Variants in PLEKHA5 observed in about 807,000 individuals in gnomAD.
PLEKHA5 encodes pleckstrin homology domain-containing family A member 5.
In PLEKHA5, 55 loss-of-function variants were observed where a neutral mutation model predicts 181.9. The observed-to-expected ratio is 0.30, with a 90% CI of 0.24 to 0.38. PLEKHA5 has a LOEUF of 0.38. PLEKHA5 is among the 10% of genes least tolerant of loss of function. PLEKHA5 has a pLI of 1.00. For missense variants in PLEKHA5, 1,432 were observed against 1,549.5 expected (o/e 0.92, Z 1.27); for synonymous variants, 535 against 529.4 (o/e 1.01, Z -0.15).
chr12:19,254,002 G>T lies in PLEKHA5; in HGVS notation c.290G>T (p.Cys97Phe), dbSNP rs1387118977. 6.2e-7 allele frequency: 1 copy of T among 1,603,352 alleles called. No homozygotes were observed. Among genetic ancestry groups the T allele is most frequent in the African/African-American group, 1.3e-5 (1 of 74,604 alleles). ...PVTGQPSQDNCIFVVNEQTVA... is the reference protein window; with the variant it reads ...PVTGQPSQDNFIFVVNEQTVA... ...ACAGGACAACCATCACAGGACAATT[G>T]TATTTTTGTAGTGAATGAACAGTAA... The change falls in exon 4 of 32, where the codon TGT becomes TTT. Residue 97 changes from cysteine to phenylalanine, a missense_variant. By Grantham distance (205) the Cys-to-Phe change is radical (BLOSUM62 -2). Transcript: ENST00000429027.
chr12:19,290,820 G>A (rs1461885033), intron 14 of PLEKHA5, 24 bp downstream of exon 14: 9 of 1,513,022 alleles, frequency 5.9e-6, no homozygotes, highest in Non-Finnish European at 8.0e-6. Flanking sequence ...AGATTTGTCT[G>A]TGTCGTCTGC....
At chr12:19,357,841 T>C (rs983527001) in intron 26 of PLEKHA5, among the ~76,000 whole-genome samples, 12 of 152,186 alleles carry the variant, frequency 7.9e-5, no homozygotes, top group African/African-American at 2.6e-4. Context: ...GTTTTTACCA[T>C]GTTGCCCAGG....
rs767269524 is a variant in PLEKHA5 at position 19,354,012 on chromosome 12, T to A, written c.3138+10T>A. 3 of 1,258,832 alleles carry A rather than the reference T, an allele frequency of 2.4e-6. No homozygotes were observed. In the South Asian group the frequency reaches 3.7e-5, roughly 15 times the overall value. 78.0% of individuals were successfully genotyped at this position (1,258,832 alleles called of 1,614,324 possible). A position where few individuals can be genotyped will look rare whatever the true frequency, so the allele number is the denominator to read the frequency against. On this transcript the variant is annotated intron_variant, in intron 26 of 31. Transcript: ENST00000429027. The stretch of plus-strand genomic sequence containing the variant: ...GATGGATCTAAGAACGGTATTTAAC[T>A]GGAAATTAATCTTCTAGGAAGATTC...
At chr12:19,181,283 G>A (rs374732844) in intron 3 of PLEKHA5, among the ~76,000 whole-genome samples, 3 of 152,118 alleles carry the variant, frequency 2.0e-5, no homozygotes, top group East Asian at 1.9e-4. Flanking sequence ...AAAATAATGT[G>A]ATTAAATGAA....
At position 19,321,093 on chromosome 12, in the gene PLEKHA5, G is replaced by A. The variant is rs183588166; in HGVS notation, c.2217+469G>A. On this transcript the variant is annotated intron_variant, in intron 18 of 31. Transcript: ENST00000429027. ...GAGGCCTGAGAATCTCTTGAACCCA[G>A]GAGGGACAGGTGCAGTGAGCCAAGA... Among the ~76,000 whole-genome samples, 29 of 151,794 alleles carry A rather than the reference G, an allele frequency of 1.9e-4. No individual in the cohort carries two copies. The East Asian group carries it at 3.5e-3, about 18-fold the overall frequency.
chr12:19,232,577 A>T (rs973345869), intron 3 of PLEKHA5, among the ~76,000 whole-genome samples: 2 of 152,148 alleles, frequency 1.3e-5, no homozygotes, highest in African/African-American at 4.8e-5. Context: ...TAGTAAGCAA[A>T]TGTATTTTAG....
intron 20 of PLEKHA5, among the ~76,000 whole-genome samples, chr12:19,331,037 G>C (rs973276093): frequency 6.6e-6 from 1 of 152,108 alleles, no homozygotes; most frequent in Admixed American, 6.6e-5. Flanking sequence ...GCAGAAAAAT[G>C]AATTGACATT....
At chr12:19,260,891 G>A in intron 6 of PLEKHA5, 58 bp from the exon 7 acceptor site, 2 of 950,642 alleles carry the variant, frequency 2.1e-6, no homozygotes, top group Non-Finnish European at 3.2e-6. Flanking sequence ...ATAAATAAAT[G>A]CACATGTGAG....
At chr12:19,257,673 C>CTTG in intron 6 of PLEKHA5, 136 bp downstream of exon 6, 1 of 597,782 alleles carries the variant, frequency 1.7e-6, no homozygotes, top group South Asian at 2.1e-5. Flanking sequence ...TATTTGACTG[C>CTTG]TTGTTACCCC....
chr12:19,251,919 G>A (rs1012302742), intron 3 of PLEKHA5, among the ~76,000 whole-genome samples: 1 of 152,006 alleles, frequency 6.6e-6, no homozygotes, highest in Admixed American at 6.6e-5. Context: ...CTCCTCCGTT[G>A]TGCCAAGACA....
At chr12:19,239,668 C>T (rs886262547) in intron 3 of PLEKHA5, among the ~76,000 whole-genome samples, 3 of 152,142 alleles carry the variant, frequency 2.0e-5, no homozygotes, top group African/African-American at 7.2e-5. Flanking sequence ...ATTTTATATA[C>T]ATAAACATAT....
Position 19,274,523 on chromosome 12 carries a change from A to G in PLEKHA5, c.853A>G (p.Lys285Glu), listed in dbSNP as rs374450464. The G allele has an allele frequency of 3.1e-6, 5 of 1,587,608 alleles. No homozygotes were observed. The African/African-American group carries it at 4.1e-5, about 13-fold the overall frequency. ...KRITFNFRVDKITSENAPTKE... is the reference protein window; with the variant it reads ...KRITFNFRVDEITSENAPTKE... ...TTTCTTCTCTGATTTCAGAGTGGAC[A>G]AGATTACATCTGAAAATGCACCAAC... The change falls in exon 11 of 32, where the codon AAG (lysine) becomes GAG (glutamate). Residue 285 changes from lysine (K) to glutamate (E), a missense_variant. Physicochemically the swap from Lys to Glu is moderately conservative, Grantham distance 56 (BLOSUM62 1). Transcript: ENST00000429027.
chr12:19,275,678 G>A (rs1216725528), intron 11 of PLEKHA5, among the ~76,000 whole-genome samples: 1 of 152,058 alleles, frequency 6.6e-6, no homozygotes, highest in East Asian at 1.9e-4. Flanking sequence ...TGAAGTGGGA[G>A]GATTGCTTGA....
intron 15 of PLEKHA5, among the ~76,000 whole-genome samples, chr12:19,298,467 C>T (rs1005791552): frequency 1.9e-4 from 24 of 127,722 alleles, no homozygotes; most frequent in Non-Finnish European, 2.9e-4. Flanking sequence ...AGATCTCCGT[C>T]TCTTGGTGTC....
At chr12:19,354,734 G>A (rs1313409244) in intron 26 of PLEKHA5, among the ~76,000 whole-genome samples, 4 of 151,782 alleles carry the variant, frequency 2.6e-5, no homozygotes, top group South Asian at 2.1e-4. Flanking sequence ...CGCCCGCCTC[G>A]GCCTCCCAAA....
chr12:19,174,778 G>A (rs2046795448), intron 3 of PLEKHA5, among the ~76,000 whole-genome samples: 1 of 152,072 alleles, frequency 6.6e-6, no homozygotes, highest in Non-Finnish European at 1.5e-5. Flanking sequence ...GGGCCACTTG[G>A]TTGTATTTTT....
chr12:19,221,447 T>A (rs112515889), intron 3 of PLEKHA5, among the ~76,000 whole-genome samples: 222 of 152,178 alleles, frequency 1.5e-3, no homozygotes, highest in African/African-American at 5.1e-3. Flanking sequence ...GGCAAAACTA[T>A]AGAGTGGAAA....
intron 20 of PLEKHA5, among the ~76,000 whole-genome samples, chr12:19,333,848 A>G (rs373599729): frequency 4.0e-5 from 6 of 151,846 alleles, no homozygotes; most frequent in African/African-American, 1.5e-4. Context: ...TGACCTCGTG[A>G]TCCCCCTGCC....
intron 10 of PLEKHA5, among the ~76,000 whole-genome samples, chr12:19,273,288 G>GTTTATATTT (rs1440316567): frequency 5.3e-5 from 8 of 152,048 alleles, no homozygotes; most frequent in African/African-American, 1.9e-4. Context: ...CTCCAATCTA[G>GTTTATATTT]AAGCCATGGT....
Sources: allele counts gnomAD v4.1 joint callset (sites outside exome capture counted in the v4.1 genomes callset), GRCh38; gene constraint gnomAD v4.1.1; transcripts MANE v1.5; gene names NCBI Gene and HGNC (gene_info 2026-07-23, HGNC 2026-07-21).